Variants in DMRTB1 observed in about 807,000 individuals in gnomAD.
DMRTB1 encodes the protein DMRT like family B with proline rich C-terminal 1, also known as doublesex- and mab-3-related transcription factor B1.
A neutral mutation model predicts 25.2 loss-of-function variants in DMRTB1; 9 were observed. The observed-to-expected ratio is 0.36, with a 90% CI of 0.22 to 0.62. The LOEUF (loss-of-function observed/expected upper bound fraction) is 0.62. DMRTB1 is among the 20% of genes least tolerant of loss of function. DMRTB1 has a pLI of 0.71. For synonymous variants in DMRTB1, 269 were observed against 238.1 expected, an observed-to-expected ratio of 1.13 and a Z score of -1.20; for missense variants, 551 against 499.3, an observed-to-expected ratio of 1.10 and a Z score of -0.99.
intron 2 of DMRTB1, among the ~76,000 whole-genome samples, chr1:53,462,420 C>T (rs1473082083): frequency 1.3e-5 from 2 of 152,202 alleles, no homozygotes; most frequent in Non-Finnish European, 2.9e-5. Context: ...GAGCTTCACC[C>T]GGGCAGGTTG....
chr1:53,459,700 G>C lies in DMRTB1; in HGVS notation c.247G>C (p.Ala83Pro), dbSNP rs558152882. The part of the protein sequence containing the change: ...GPKQASGAAA[A>P]APAPVPVPAA... The stretch of plus-strand genomic sequence containing the variant: ...CAAGCAGGCCTCCGGGGCTGCGGCC[G>C]CCGCCCCCGCCCCCGTCCCCGTCCC... The change falls in exon 1 of 4, where the codon GCC (alanine) becomes CCC (proline). Residue 83 changes from alanine (A) to proline (P), a missense_variant. By Grantham distance (27) the Ala-to-Pro change is conservative. Transcript: ENST00000371445. 5 of 1,468,690 alleles carry C rather than the reference G, an allele frequency of 3.4e-6. No individual in the cohort carries two copies. In the African/African-American group the frequency reaches 7.4e-5, roughly 22 times the overall value. The allele number at this position is 1,468,690 out of a possible 1,614,324, so 91.0% of individuals were successfully genotyped here.
chr1:53,466,456 A>C, intron 3 of DMRTB1, 139 bp from the exon 4 acceptor site: 1 of 801,218 alleles, frequency 1.2e-6, no homozygotes. Context: ...ACACCACTGC[A>C]CTCCAGCCTG....
At position 53,460,040 on chromosome 1, in the gene DMRTB1, G is replaced by A. The variant is rs751338871; in HGVS notation, c.577+10G>A. The A allele has an allele frequency of 1.9e-6, 3 of 1,562,164 alleles. No individual in the cohort carries two copies. The highest frequency in any genetic ancestry group is 2.6e-6 in the Non-Finnish European group (3 of 1,163,004). ...CTGTTCACCGACTTTGGTAAGTCGT[G>A]GCCTTGGTCCCGCGGTCGACTCCCG... On this transcript the variant is annotated intron_variant, in intron 1 of 3. Coordinates refer to ENST00000371445, the MANE Select transcript of DMRTB1 (RefSeq NM_033067.3).
intron 2 of DMRTB1, among the ~76,000 whole-genome samples, chr1:53,461,976 C>A (rs943521): frequency 0.39 from 58,868 of 151,946 alleles, 13,953 homozygotes; most frequent in African/African-American, 0.67. Flanking sequence ...CCAGAAAGGG[C>A]ATATCACCTT....
Position 53,464,651 on chromosome 1 carries a change from A to G in DMRTB1, c.765A>G (p.Gly255=). ...GTGCCGTGCAGGTGTCAGAACCAGG[A>G]GGAGACTTCCAGCCAAGCTACTACC... ...YQGGGLVSEP[G]GDFQPSYYLP... is the part of the protein sequence containing the mutation. Residue 255 remains glycine, a synonymous_variant, in exon 3 of 4, where the codon GGA becomes GGG. Transcript: ENST00000371445. 6.2e-7 allele frequency: 1 copy of G among 1,613,492 alleles called. No homozygotes were observed. The highest frequency in any genetic ancestry group is 2.2e-5 in the East Asian group (1 of 44,878).
At chr1:53,464,595 ACT>A (rs765508334) in intron 2 of DMRTB1, 40 bp from the exon 3 acceptor site, 1 of 1,610,854 alleles carries the variant, frequency 6.2e-7, no homozygotes, top group East Asian at 2.2e-5. Flanking sequence ...CATCTGGCTA[ACT>A]CTCTCTCCTC....
At chr1:53,465,077 T>C (rs887998481) in intron 3 of DMRTB1, among the ~76,000 whole-genome samples, 1 of 152,128 alleles carries the variant, frequency 6.6e-6, no homozygotes, top group African/African-American at 2.4e-5. Context: ...CTCCAGCAGT[T>C]CTCTTGGGTA....
rs1644009726 is a variant in DMRTB1 at position 53,459,931 on chromosome 1, C to T, written c.478C>T (p.Pro160Ser). ...AAVAMPSLAG[P>S]PFGAEAAGSG... is the part of the protein sequence containing the mutation. ...CGTGGCGATGCCCAGCCTTGCGGGA[C>T]CCCCTTTTGGGGCGGAGGCCGCAGG... The change falls in exon 1 of 4, where the codon CCC becomes TCC. Residue 160 changes from proline to serine, a missense_variant. Coordinates refer to ENST00000371445, the MANE Select transcript of DMRTB1 (RefSeq NM_033067.3). The T allele has an allele frequency of 6.4e-7, 1 of 1,562,460 alleles. No individual in the cohort carries two copies. Among genetic ancestry groups the T allele is most frequent in the Non-Finnish European group, 8.6e-7 (1 of 1,163,744 alleles).
intron 3 of DMRTB1, among the ~76,000 whole-genome samples, chr1:53,465,693 G>A (rs1644046706): frequency 6.6e-6 from 1 of 152,188 alleles, no homozygotes; most frequent in South Asian, 2.1e-4. Context: ...TGTGTGTGCA[G>A]TGCCTAGATC....
In DMRTB1 at chr1:53,459,534, G is replaced by A; in HGVS notation, c.81G>A (p.Ala27=). 1 of 1,612,928 alleles carries A rather than the reference G, an allele frequency of 6.2e-7. No individual in the cohort carries two copies. Among genetic ancestry groups the A allele is most frequent in the Non-Finnish European group, 8.5e-7 (1 of 1,179,926 alleles). Residue 27 remains alanine, a synonymous_variant, in exon 1 of 4, where the codon GCG becomes GCA. Transcript: ENST00000371445. The stretch of plus-strand genomic sequence containing the variant: ...TCCTGGTGCCCGTCAAGGGACACGC[G>A]GGCAAATGCCGCTGGAAGCAGTGCC... ...HGFLVPVKGH[A]GKCRWKQCLC... is the part of the protein sequence containing the mutation.
Position 53,461,655 on chromosome 1 carries a change from A to G in DMRTB1, c.750+10A>G. 1 of 1,552,584 alleles carries G rather than the reference A, an allele frequency of 6.4e-7. No individual in the cohort carries two copies. Among genetic ancestry groups the G allele is most frequent in the Non-Finnish European group, 8.7e-7 (1 of 1,149,468 alleles). Reference sequence around the variant, plus strand: ...CCAAGGCGGAGGCTTGGTGAGTCCCACCCCTCACTTCTTGCCAGCTTCCTC... The same window carrying G: ...CCAAGGCGGAGGCTTGGTGAGTCCCGCCCCTCACTTCTTGCCAGCTTCCTC... On this transcript the variant is annotated intron_variant, in intron 2 of 3. Transcript: ENST00000371445.
intron 1 of DMRTB1, among the ~76,000 whole-genome samples, chr1:53,461,221 C>T (rs1644020359): frequency 6.6e-6 from 1 of 152,144 alleles, no homozygotes; most frequent in Non-Finnish European, 1.5e-5. Flanking sequence ...TGCGGGCTGA[C>T]GGTGTGTGGG....
intron 1 of DMRTB1, among the ~76,000 whole-genome samples, chr1:53,460,926 GT>G (rs1160863177): frequency 1.3e-5 from 2 of 152,168 alleles, no homozygotes; most frequent in African/African-American, 2.4e-5. Flanking sequence ...CCCAGGGAAC[GT>G]CCCATCTGAC....
chr1:53,461,631 C>G lies in DMRTB1; in HGVS notation c.736C>G (p.Gln246Glu). ...CCGGCATGTGTCCCGCAGCCAGTAC[C>G]AAGGCGGAGGCTTGGTGAGTCCCAC... is the stretch of plus-strand genomic sequence containing the variant. ...GFRHVSRSQY[Q>E]GGGLVSEPGG... Residue 246 changes from glutamine to glutamate, a missense_variant, in exon 2 of 4, where the codon CAA (glutamine) becomes GAA (glutamate). Transcript: ENST00000371445. 1 of 1,597,786 alleles carries G rather than the reference C, an allele frequency of 6.3e-7. No homozygotes were observed. The highest frequency in any genetic ancestry group is 8.5e-7 in the Non-Finnish European group (1 of 1,172,798).
rs776578628 is a variant in DMRTB1 at position 53,464,674 on chromosome 1, A to G, written c.788A>G (p.Tyr263Cys). ...GGAGGAGACTTCCAGCCAAGCTACT[A>G]CCTGCCGCCGCCGCCGCCGCCACTG... ...EPGGDFQPSY[Y>C]LPPPPPPLPP... is the part of the protein sequence containing the mutation. Residue 263 changes from tyrosine (Y) to cysteine (C), a missense_variant, in exon 3 of 4, where the codon TAC (tyrosine) becomes TGC (cysteine). Coordinates refer to ENST00000371445, the MANE Select transcript of DMRTB1 (RefSeq NM_033067.3). 9 of 1,613,210 alleles carry G rather than the reference A, an allele frequency of 5.6e-6. No individual in the cohort carries two copies. In the Middle Eastern group the frequency reaches 8.5e-4, roughly 153 times the overall value.
chr1:53,465,955 C>G (rs1644047786), intron 3 of DMRTB1, among the ~76,000 whole-genome samples: 1 of 152,226 alleles, frequency 6.6e-6, no homozygotes, highest in Non-Finnish European at 1.5e-5. Context: ...CTGTCTGTTT[C>G]ACTTAGTGCC....
At chr1:53,460,073 C>T in intron 1 of DMRTB1, 43 bp downstream of exon 1, 1 of 1,498,952 alleles carries the variant, frequency 6.7e-7, no homozygotes. Flanking sequence ...CCGGAGCTGG[C>T]AGCCCAGGCC....
At position 53,460,206 on chromosome 1, in the gene DMRTB1, A is replaced by T. The variant is rs371974370; in HGVS notation, c.577+176A>T. On this transcript the variant is annotated intron_variant, in intron 1 of 3. Transcript: ENST00000371445. ...ATTTGGATTGGGTAACTTTTCGCAA[A>T]AAGGAAACGAGAAACAGAAAGGAAT... The T allele has an allele frequency of 5.6e-5, 50 of 897,372 alleles. 1 individual carries two copies. The highest frequency in any genetic ancestry group is 5.3e-4 in the South Asian group (27 of 50,682). 55.6% of individuals were successfully genotyped at this position (897,372 alleles called of 1,614,324 possible).
chr1:53,464,528 G>A, intron 2 of DMRTB1, 109 bp from the exon 3 acceptor site: 1 of 1,542,064 alleles, frequency 6.5e-7, no homozygotes, highest in Non-Finnish European at 8.9e-7. Flanking sequence ...TTGGGGCCGT[G>A]CATCTACCCC....
Sources: allele counts gnomAD v4.1 joint callset (sites outside exome capture counted in the v4.1 genomes callset), GRCh38; gene constraint gnomAD v4.1.1; transcripts MANE v1.5; gene names NCBI Gene and HGNC (gene_info 2026-07-23, HGNC 2026-07-21).